PRKCE: variants seen among roughly 807,000 people sequenced by gnomAD.
PRKCE encodes the protein protein kinase C epsilon type.
PRKCE carries 16 observed loss-of-function variants against 85.4 expected under a neutral mutation model. The ratio of observed to expected loss-of-function variants is 0.19; its 90% CI spans 0.13 to 0.28. The LOEUF (loss-of-function observed/expected upper bound fraction) is 0.28. PRKCE is among the 10% of genes least tolerant of loss of function. The pLI is 1.00. For synonymous variants in PRKCE, 388 were observed against 371.5 expected (o/e 1.04, Z -0.51); for missense variants, 573 against 975.2 (o/e 0.59, Z 5.49).
intron 12 of PRKCE, among the ~76,000 whole-genome samples, chr2:46,150,170 A>G (rs1238196848): frequency 1.3e-5 from 2 of 152,218 alleles, no homozygotes; most frequent in African/African-American, 4.8e-5. Context: ...TCTTGTATTC[A>G]GTAGCATCAT....
At chr2:45,711,041 C>T (rs1370222975) in intron 1 of PRKCE, among the ~76,000 whole-genome samples, 1 of 152,208 alleles carries the variant, frequency 6.6e-6, no homozygotes, top group Non-Finnish European at 1.5e-5. Flanking sequence ...CTCCCTGTCC[C>T]CTGTCCCCCT....
rs76447289 is a variant in PRKCE, at chr2:45,843,078, C to G, written c.412+15C>G. The G allele has an allele frequency of 2.5e-4, 409 of 1,611,232 alleles. 1 individual carries two copies. Among genetic ancestry groups the G allele is most frequent in the Admixed American group, 1.6e-3 (98 of 60,018 alleles). The stretch of plus-strand genomic sequence containing the variant: ...GTCGGGTGAAGGTAGGAGAGCGTGA[C>G]TTCTCATCCCTGTTTTCTTCCATTG... On this transcript the variant is annotated intron_variant, in intron 2 of 14. Transcript: ENST00000306156.
rs149594885 is a variant in PRKCE at position 45,652,163 on chromosome 2, A to G, written c.63A>G (p.Thr21=). The G allele has an allele frequency of 6.8e-6, 11 of 1,611,404 alleles. No homozygotes were observed. The African/African-American group carries it at 1.2e-4, about 18-fold the overall frequency. ...KICEAVSLKP[T]AWSLRHAVGP... is the part of the protein sequence containing the mutation. ...GCGAGGCCGTGAGCTTGAAGCCCAC[A>G]GCCTGGTCGCTGCGCCATGCGGTGG... Residue 21 remains threonine (T), a synonymous_variant, in exon 1 of 15, where the codon ACA becomes ACG. Coordinates refer to ENST00000306156, the MANE Select transcript of PRKCE (RefSeq NM_005400.3). This position sits in a 1 kb window ranked among gnomAD's most constrained non-coding sequence, Gnocchi z 7.7.
At chr2:45,847,507 G>C (rs577313574) in intron 2 of PRKCE, among the ~76,000 whole-genome samples, 1 of 152,306 alleles carries the variant, frequency 6.6e-6, no homozygotes, top group South Asian at 2.1e-4. Context: ...AGCTTCGCTT[G>C]GTTCTGAAAT....
chr2:46,018,977 G>A (rs1706408201), intron 10 of PRKCE, among the ~76,000 whole-genome samples: 1 of 152,246 alleles, frequency 6.6e-6, no homozygotes, highest in South Asian at 2.1e-4. Context: ...CAGTGATGGT[G>A]CTGCGCTCTC....
chr2:46,017,937 GTCC>G (rs1706304794), intron 10 of PRKCE, among the ~76,000 whole-genome samples: 1 of 152,098 alleles, frequency 6.6e-6, no homozygotes, highest in Non-Finnish European at 1.5e-5. Context: ...CTCCTTCTCT[GTCC>G]TCCTGTCCAA....
intron 10 of PRKCE, among the ~76,000 whole-genome samples, chr2:46,029,685 G>GTT (rs10658922): frequency 0.29 from 42,374 of 146,234 alleles, 6,446 homozygotes; most frequent in Non-Finnish European, 0.32. Context: ...CGTCGTATGG[G>GTT]TTTTTTTTTT....
chr2:45,945,683 A>T (rs1286935083), intron 2 of PRKCE, among the ~76,000 whole-genome samples: 1 of 152,222 alleles, frequency 6.6e-6, no homozygotes. Context: ...CCTGCAAGGC[A>T]GGTACTCTTA....
At chr2:45,767,852 G>A (rs887456741) in intron 1 of PRKCE, among the ~76,000 whole-genome samples, 14 of 152,318 alleles carry the variant, frequency 9.2e-5, no homozygotes, top group Admixed American at 9.1e-4. Flanking sequence ...ACAGGTGTTT[G>A]CCTCCTAGAG....
At chr2:45,666,088 T>C (rs1335949873) in intron 1 of PRKCE, among the ~76,000 whole-genome samples, 1 of 152,168 alleles carries the variant, frequency 6.6e-6, no homozygotes, top group East Asian at 1.9e-4. Context: ...CCTCCCCTGA[T>C]GGTGAATATC....
At chr2:45,779,526 T>C (rs61657309) in intron 1 of PRKCE, among the ~76,000 whole-genome samples, 4 of 151,804 alleles carry the variant, frequency 2.6e-5, no homozygotes, top group African/African-American at 9.7e-5. Flanking sequence ...TGCGACTACT[T>C]CCTTGCTCCA....
At chr2:45,944,844 T>G (rs1213655855) in intron 2 of PRKCE, among the ~76,000 whole-genome samples, 1 of 152,032 alleles carries the variant, frequency 6.6e-6, no homozygotes, top group Non-Finnish European at 1.5e-5. Context: ...TCAAGTGACT[T>G]CACTTATAAA....
chr2:46,176,512 T>C (rs1404474727), intron 14 of PRKCE, among the ~76,000 whole-genome samples: 1 of 152,140 alleles, frequency 6.6e-6, no homozygotes, highest in African/African-American at 2.4e-5. Flanking sequence ...TTGAAATTGA[T>C]ATTATTAAAG....
At chr2:45,863,362 G>C (rs1693323368) in intron 2 of PRKCE, among the ~76,000 whole-genome samples, 1 of 152,062 alleles carries the variant, frequency 6.6e-6, no homozygotes, top group Non-Finnish European at 1.5e-5. Context: ...TTTAGTCTTA[G>C]AGACAGGCTT....
chr2:46,105,913 G>C (rs1671671299), intron 11 of PRKCE, among the ~76,000 whole-genome samples: 1 of 152,134 alleles, frequency 6.6e-6, no homozygotes, highest in Non-Finnish European at 1.5e-5. Flanking sequence ...CACCAGGTAT[G>C]GTTGGTGTTT....
At chr2:45,672,712 A>G (rs1291298018) in intron 1 of PRKCE, among the ~76,000 whole-genome samples, 1 of 152,138 alleles carries the variant, frequency 6.6e-6, no homozygotes, top group African/African-American at 2.4e-5. Context: ...TGGTCTTTAC[A>G]TGTCAAGAGG....
At chr2:45,986,516 G>A (rs115621458) in intron 6 of PRKCE, among the ~76,000 whole-genome samples, 365 of 152,282 alleles carry the variant, frequency 2.4e-3, no homozygotes, top group African/African-American at 8.5e-3. Flanking sequence ...GATGCATCTC[G>A]GGTGTCAGGG....
chr2:46,069,861 G>C (rs369086616), intron 10 of PRKCE, among the ~76,000 whole-genome samples: 1 of 152,088 alleles, frequency 6.6e-6, no homozygotes, highest in Non-Finnish European at 1.5e-5. Flanking sequence ...CAATTCTAGC[G>C]GTCACCTATT....
At chr2:45,684,350 A>G (rs1381968954) in intron 1 of PRKCE, among the ~76,000 whole-genome samples, 1 of 152,210 alleles carries the variant, frequency 6.6e-6, no homozygotes, top group Non-Finnish European at 1.5e-5. Context: ...TTCTGAAATG[A>G]CGCTGGGGAG....
Sources: allele counts gnomAD v4.1 joint callset (sites outside exome capture counted in the v4.1 genomes callset), GRCh38; gene constraint gnomAD v4.1.1; non-coding constraint Gnocchi (gnomAD v3.1); transcripts MANE v1.5; gene names NCBI Gene and HGNC (gene_info 2026-07-23, HGNC 2026-07-21).